Variants in TBXAS1 observed in about 807,000 individuals in gnomAD.
TBXAS1 encodes the protein thromboxane A synthase 1.
Under a neutral mutation model 60.7 loss-of-function variants are expected in TBXAS1, and 48 were observed. The ratio of observed to expected loss-of-function variants is 0.79; its 90% confidence interval spans 0.63 to 1.01. The LOEUF (loss-of-function observed/expected upper bound fraction) is 1.01, where lower values mean the gene tolerates loss of function less well. Among genes scored for constraint, TBXAS1 ranks in the 50% least tolerant of loss-of-function variants. The pLI is 0.00. For missense variants in TBXAS1, 685 were observed against 686.3 expected, an observed-to-expected ratio of 1.00 and a Z score of 0.02; for synonymous variants, 287 against 269.7, an observed-to-expected ratio of 1.06 and a Z score of -0.63.
chr7:140,019,591 G>C (rs981383001), intron 12 of TBXAS1, among the ~76,000 whole-genome samples: 1 of 152,178 alleles, frequency 6.6e-6, no homozygotes, highest in African/African-American at 2.4e-5. Context: ...ACTCTTTGCT[G>C]TCACATTAGC....
intron 3 of TBXAS1, among the ~76,000 whole-genome samples, chr7:139,890,255 G>T (rs1209103967): frequency 8.5e-6 from 1 of 117,268 alleles, no homozygotes; most frequent in South Asian, 2.9e-4. Context: ...TCGTTTTGTC[G>T]CCCAGGCTGG....
chr7:139,890,292 T>G (rs997268790), intron 3 of TBXAS1, among the ~76,000 whole-genome samples: 14 of 133,544 alleles, frequency 1.0e-4, no homozygotes, highest in Non-Finnish European at 2.0e-4. Flanking sequence ...CTCCGCTCAC[T>G]GCAAGCTCCG....
At chr7:139,902,448 C>CT (rs1804657512) in intron 3 of TBXAS1, among the ~76,000 whole-genome samples, 1 of 152,078 alleles carries the variant, frequency 6.6e-6, no homozygotes, top group African/African-American at 2.4e-5. Flanking sequence ...ATAGCTTGTT[C>CT]TTTTTTAAAT....
chr7:139,903,436 T>G (rs1217457565), intron 3 of TBXAS1, among the ~76,000 whole-genome samples: 2 of 152,058 alleles, frequency 1.3e-5, no homozygotes, highest in Admixed American at 1.3e-4. Flanking sequence ...GAATAATGAC[T>G]TCTTTTCCTC....
At chr7:139,885,725 T>C (rs1005863681) in intron 3 of TBXAS1, among the ~76,000 whole-genome samples, 2 of 152,252 alleles carry the variant, frequency 1.3e-5, no homozygotes, top group Non-Finnish European at 2.9e-5. Context: ...AGTTCCTCTT[T>C]CATCACTATT....
intron 9 of TBXAS1, among the ~76,000 whole-genome samples, chr7:139,994,120 C>T (rs1813128685): frequency 6.6e-6 from 1 of 152,148 alleles, no homozygotes; most frequent in Admixed American, 6.5e-5. Flanking sequence ...GGGCTCACTG[C>T]AACCTCTGCC....
At chr7:139,817,451 A>G (rs2116427327) in intron 4 of TBXAS1, among the ~76,000 whole-genome samples, 1 of 152,198 alleles carries the variant, frequency 6.6e-6, no homozygotes, top group Middle Eastern at 3.4e-3. Flanking sequence ...CTTCAACCTT[A>G]TCTCTCACCA....
At chr7:139,905,584 G>A (rs550712735) in intron 3 of TBXAS1, among the ~76,000 whole-genome samples, 9 of 152,094 alleles carry the variant, frequency 5.9e-5, no homozygotes, top group African/African-American at 2.2e-4. Flanking sequence ...TTTCTTTTTC[G>A]GTTGCATCCT....
At chr7:139,860,075 C>T (rs967574150) in intron 1 of TBXAS1, among the ~76,000 whole-genome samples, 1 of 152,186 alleles carries the variant, frequency 6.6e-6, no homozygotes, top group Non-Finnish European at 1.5e-5. Flanking sequence ...GTGGAGGTTG[C>T]AGTGAACTGA....
intron 3 of TBXAS1, among the ~76,000 whole-genome samples, chr7:139,908,604 T>C (rs1188319022): frequency 6.6e-6 from 1 of 152,212 alleles, no homozygotes; most frequent in East Asian, 1.9e-4. Context: ...ATTTTGGACC[T>C]TTTAGCCTCC....
At chr7:139,830,886 CTT>C (rs970920622) in intron 1 of TBXAS1, among the ~76,000 whole-genome samples, 2 of 152,038 alleles carry the variant, frequency 1.3e-5, no homozygotes, top group Non-Finnish European at 2.9e-5. Flanking sequence ...CTTTTTTACA[CTT>C]TTGTTTCAGT....
At chr7:139,939,699 G>A (rs1808125818) in intron 5 of TBXAS1, among the ~76,000 whole-genome samples, 1 of 152,008 alleles carries the variant, frequency 6.6e-6, no homozygotes, top group African/African-American at 2.4e-5. Flanking sequence ...AAAACACAGA[G>A]ACGTGTAGCA....
chr7:139,877,190 G>A (rs1010172761), intron 3 of TBXAS1, among the ~76,000 whole-genome samples: 2 of 152,274 alleles, frequency 1.3e-5, no homozygotes, highest in East Asian at 1.9e-4. Context: ...TGTACTCCTC[G>A]GATGGACGAG....
rs573517220 is a variant in TBXAS1 at position 139,807,675 on chromosome 7, G to A, written c.-80+20249G>A. On this transcript the variant is annotated intron_variant, in intron 4 of 16. Transcript: ENST00000336425. ...TGGGATTACAGGCGTGAGCCACCGCGCTCAGCCAATTTTTTTCTTTTTTTT... is the reference window on the plus strand; with the variant it reads ...TGGGATTACAGGCGTGAGCCACCGCACTCAGCCAATTTTTTTCTTTTTTTT... 9.2e-5 allele frequency among the ~76,000 whole-genome samples: 14 copies of A among 152,118 alleles called. No individual in the cohort carries two copies. In the South Asian group the frequency reaches 1.5e-3, roughly 16 times the overall value.
intron 5 of TBXAS1, among the ~76,000 whole-genome samples, chr7:139,951,945 GAA>G (rs1476430475): frequency 2.8e-4 from 5 of 17,790 alleles, no homozygotes; most frequent in Non-Finnish European, 6.1e-4. Flanking sequence ...AAGAAGGAAA[GAA>G]AGAAAAGAAA....
chr7:139,915,010 G>A (rs1220700862), intron 4 of TBXAS1, among the ~76,000 whole-genome samples: 1 of 152,004 alleles, frequency 6.6e-6, no homozygotes. Flanking sequence ...TCTTCGTCTC[G>A]GTCATTCACA....
At chr7:139,785,109 C>T (rs547007756) in intron 3 of TBXAS1, among the ~76,000 whole-genome samples, 1 of 152,246 alleles carries the variant, frequency 6.6e-6, no homozygotes, top group African/African-American at 2.4e-5. Flanking sequence ...AAAGCAGTTC[C>T]ATAACTACAG....
intron 1 of TBXAS1, among the ~76,000 whole-genome samples, chr7:139,847,705 G>C (rs1799911088): frequency 6.6e-6 from 1 of 152,142 alleles, no homozygotes; most frequent in Non-Finnish European, 1.5e-5. Flanking sequence ...TAAGGTCTCT[G>C]TTCCATTCTC....
At chr7:139,988,100 C>G (rs1812636131) in intron 9 of TBXAS1, among the ~76,000 whole-genome samples, 1 of 152,264 alleles carries the variant, frequency 6.6e-6, no homozygotes, top group Non-Finnish European at 1.5e-5. Context: ...CGCCAGGGGA[C>G]AGGGTCAGAA....
Sources: gnomAD v4.1 joint callset for allele counts (sites outside exome capture counted in the v4.1 genomes callset) on GRCh38, gnomAD v4.1.1 for gene constraint, MANE v1.5 for transcripts, NCBI Gene and HGNC (gene_info 2026-07-23, HGNC 2026-07-21) for gene names.